LSM12: variants seen among roughly 807,000 people sequenced by gnomAD.
The protein encoded by LSM12 is protein LSM12.
For missense variants in LSM12, 108 were observed against 238.9 expected, an observed-to-expected ratio of 0.45 and a Z score of 3.61; for synonymous variants, 74 against 87.3, an observed-to-expected ratio of 0.85 and a Z score of 0.85.
At chr17:44,036,632 TAC>T (rs1327875884) in intron 4 of LSM12, among the ~76,000 whole-genome samples, 5 of 152,104 alleles carry the variant, frequency 3.3e-5, no homozygotes, top group Admixed American at 3.3e-4. Context: ...CTGGGGGAAT[TAC>T]AGTCTTATCA....
At chr17:44,062,140 T>C (rs1274965164) in intron 2 of LSM12, among the ~76,000 whole-genome samples, 1 of 143,718 alleles carries the variant, frequency 7.0e-6, no homozygotes. Flanking sequence ...GAGAATGGCA[T>C]GAACCCGGGA....
At chr17:44,041,323 AC>A (rs1443103988) in intron 2 of LSM12, among the ~76,000 whole-genome samples, 13 of 146,760 alleles carry the variant, frequency 8.9e-5, no homozygotes, top group African/African-American at 2.9e-4. Context: ...ACACACACAC[AC>A]ACACACACAA....
chr17:44,052,767 AT>A (rs1260353699), intron 2 of LSM12, among the ~76,000 whole-genome samples: 7 of 150,452 alleles, frequency 4.7e-5, no homozygotes, highest in South Asian at 2.1e-4. Flanking sequence ...CTTAAAAAAA[AT>A]ATATATTTAT....
chr17:44,062,146 C>A (rs541772288), intron 2 of LSM12, among the ~76,000 whole-genome samples: 2 of 139,786 alleles, frequency 1.4e-5, no homozygotes, highest in Non-Finnish European at 3.0e-5. Flanking sequence ...GGCATGAACC[C>A]GGGAGGCGGA....
chr17:44,054,995 C>T (rs1431216650), intron 2 of LSM12, among the ~76,000 whole-genome samples: 2 of 151,928 alleles, frequency 1.3e-5, no homozygotes, highest in Non-Finnish European at 2.9e-5. Flanking sequence ...TGTGCCACCA[C>T]GCCCGGCTAA....
chr17:44,060,483 G>C (rs187237721), intron 2 of LSM12, among the ~76,000 whole-genome samples: 31 of 152,272 alleles, frequency 2.0e-4, no homozygotes, highest in Non-Finnish European at 1.5e-5. Context: ...GATTTCAAGG[G>C]AAAGCCAATA....
At chr17:44,038,868 A>G (rs1419928751) in intron 3 of LSM12, among the ~76,000 whole-genome samples, 1 of 152,124 alleles carries the variant, frequency 6.6e-6, no homozygotes, top group African/African-American at 2.4e-5. Flanking sequence ...GTAAATGTTC[A>G]GATACTCACA....
chr17:44,058,246 AT>A (rs1403717924), intron 2 of LSM12, among the ~76,000 whole-genome samples: 7 of 151,116 alleles, frequency 4.6e-5, no homozygotes, highest in East Asian at 1.9e-4. Flanking sequence ...CAAAAAAAAA[AT>A]AATAAATAAT....
chr17:44,043,624 C>A (rs1291183249), intron 2 of LSM12, among the ~76,000 whole-genome samples: 1 of 148,728 alleles, frequency 6.7e-6, no homozygotes, highest in East Asian at 2.0e-4. Context: ...CAGCTCACTG[C>A]AACCTAAGGA....
intron 2 of LSM12, among the ~76,000 whole-genome samples, chr17:44,051,997 A>G (rs932014365): frequency 1.3e-5 from 2 of 152,072 alleles, no homozygotes; most frequent in Non-Finnish European, 2.9e-5. Context: ...AATCCCAGCT[A>G]CCTGGGAGGC....
intron 2 of LSM12, among the ~76,000 whole-genome samples, chr17:44,051,108 C>T (rs1446303338): frequency 2.6e-5 from 4 of 151,834 alleles, no homozygotes; most frequent in Non-Finnish European, 5.9e-5. Context: ...CCCCTCTCTA[C>T]TAAAAATACA....
At chr17:44,047,456 A>G (rs774047648) in intron 2 of LSM12, among the ~76,000 whole-genome samples, 10 of 152,116 alleles carry the variant, frequency 6.6e-5, no homozygotes, top group Non-Finnish European at 8.8e-5. Context: ...CACGTTGGCC[A>G]GGCTGGTCTC....
upstream of LSM12, chr17:44,066,725 G>C: frequency 8.9e-7 from 1 of 1,128,024 alleles, no homozygotes; most frequent in East Asian, 3.6e-5. Context: ...CGCTGGTTGG[G>C]GCGGGATCCT....
chr17:44,049,297 GA>G (rs2049612372), intron 2 of LSM12, among the ~76,000 whole-genome samples: 1 of 152,136 alleles, frequency 6.6e-6, no homozygotes, highest in African/African-American at 2.4e-5. Context: ...TTGTTTTTAA[GA>G]GACAGGGTCT....
intron 4 of LSM12, 149 bp from the exon 5 acceptor site, chr17:44,036,449 C>CA: frequency 9.8e-7 from 1 of 1,017,330 alleles, no homozygotes; most frequent in Non-Finnish European, 1.5e-6. Flanking sequence ...TTGGCCTTCC[C>CA]AACCACAAGG....
intron 2 of LSM12, among the ~76,000 whole-genome samples, chr17:44,060,816 G>C (rs1034280830): frequency 6.6e-6 from 1 of 152,104 alleles, no homozygotes; most frequent in African/African-American, 2.4e-5. Flanking sequence ...GAAGAGAACT[G>C]CTTCTTAACA....
intron 2 of LSM12, among the ~76,000 whole-genome samples, chr17:44,062,704 T>C (rs901342699): frequency 2.6e-5 from 4 of 151,940 alleles, no homozygotes; most frequent in Admixed American, 2.0e-4. Context: ...CTGGCCAGCA[T>C]GGTGAAACCC....
At chr17:44,040,804 T>A (rs1339910712) in intron 2 of LSM12, among the ~76,000 whole-genome samples, 1 of 147,476 alleles carries the variant, frequency 6.8e-6, no homozygotes, top group African/African-American at 2.5e-5. Context: ...TAAAACCCTG[T>A]TTCTACTAAA....
At chr17:44,041,328 CACACAA>C (rs1404150641) in intron 2 of LSM12, among the ~76,000 whole-genome samples, 1,617 of 133,380 alleles carry the variant, frequency 0.012, 24 homozygotes, top group African/African-American at 0.041. Flanking sequence ...CACACACACA[CACACAA>C]ACACACACAC....
Sources: allele counts gnomAD v4.1 joint callset (sites outside exome capture counted in the v4.1 genomes callset), GRCh38; gene constraint gnomAD v4.1.1; transcripts MANE v1.5; gene names NCBI Gene and HGNC (gene_info 2026-07-23, HGNC 2026-07-21).